Variants in MEGF11 observed in about 807,000 individuals in gnomAD.
The protein encoded by MEGF11 is multiple epidermal growth factor-like domains protein 11.
MEGF11 carries 126 observed loss-of-function variants against 146.6 expected under a neutral mutation model. The observed-to-expected ratio is 0.86, with a 90% confidence interval of 0.74 to 1.00. The LOEUF (loss-of-function observed/expected upper bound fraction) is 1.00, where lower values mean the gene tolerates loss of function less well. Among genes scored for constraint, MEGF11 ranks in the 50% least tolerant of loss-of-function variants. MEGF11 has a pLI of 0.00. For synonymous variants in MEGF11, 532 were observed against 583.4 expected (o/e 0.91, Z 1.27); for missense variants, 1,509 against 1,521.2 (o/e 0.99, Z 0.13).
In MEGF11 at chr15:65,929,821, C is replaced by T. The variant is rs767725663; in HGVS notation, c.1471G>A (p.Glu491Lys). ...PSGTWGLNCN[E>K]SCTCANGAAC... ...GCCCCATTGGCACAGGTGCAGCTCT[C>T]GTTGCAGTTCAGGCCCCACGTCCCA... The change falls in exon 12 of 26, where the codon GAG becomes AAG. Residue 491 changes from glutamate to lysine, a missense_variant. Glu to Lys is a moderately conservative substitution (Grantham distance 56, BLOSUM62 1). Transcript: ENST00000395614. 1.1e-5 allele frequency: 17 copies of T among 1,586,262 alleles called. No homozygotes were observed. Among genetic ancestry groups the T allele is most frequent in the Admixed American group, 3.6e-5 (2 of 55,994 alleles).
chr15:65,954,470 A>G (rs1806997454), intron 10 of MEGF11, among the ~76,000 whole-genome samples: 1 of 152,096 alleles, frequency 6.6e-6, no homozygotes, highest in South Asian at 2.1e-4. Flanking sequence ...AGAACAATGA[A>G]CTGTTCTGTA....
intron 1 of MEGF11, among the ~76,000 whole-genome samples, chr15:66,232,802 C>T (rs1423060661): frequency 6.6e-6 from 1 of 152,186 alleles, no homozygotes; most frequent in African/African-American, 2.4e-5. Flanking sequence ...AAGTGCCATA[C>T]TTACCTGCCT....
At chr15:65,927,000 G>A (rs1202089727) in intron 13 of MEGF11, among the ~76,000 whole-genome samples, 5 of 152,162 alleles carry the variant, frequency 3.3e-5, no homozygotes, top group Admixed American at 3.3e-4. Flanking sequence ...AAACTTTCTG[G>A]TTATGAACAC....
chr15:66,039,830 CGGCGGTGGGGT>C lies in MEGF11; in HGVS notation c.394+54561_394+54571del, dbSNP rs1567213525. Among the ~76,000 whole-genome samples the C allele has an allele frequency of 1.0e-3, 33 of 31,826 alleles. 7 individuals are homozygous for C. The highest frequency in any genetic ancestry group is 1.8e-3 in the Non-Finnish European group (28 of 15,718). 20.9% of individuals were successfully genotyped at this position (31,826 alleles called of 152,430 possible). A position where few individuals can be genotyped will look rare whatever the true frequency, so the allele number is the denominator to read the frequency against. On this transcript the variant is annotated intron_variant, in intron 5 of 25. Coordinates refer to ENST00000395614, the MANE Select transcript of MEGF11 (RefSeq NM_001385028.1). Reference sequence around the variant, plus strand: ...GGTGACGGTCCTGAGCCGGGTCAGGCGGCGGTGGGGTGACGGTCCTGAGCCGGGTCAGGCGG... The same window carrying C: ...GGTGACGGTCCTGAGCCGGGTCAGGCGACGGTCCTGAGCCGGGTCAGGCGG...
intron 5 of MEGF11, among the ~76,000 whole-genome samples, chr15:66,011,136 G>C (rs2082699426): frequency 6.6e-6 from 1 of 152,196 alleles, no homozygotes; most frequent in Non-Finnish European, 1.5e-5. Context: ...CCCTCCAAGG[G>C]CTTTAGTCTC....
At chr15:66,023,838 A>G (rs902480126) in intron 5 of MEGF11, among the ~76,000 whole-genome samples, 8 of 152,364 alleles carry the variant, frequency 5.3e-5, no homozygotes, top group African/African-American at 1.9e-4. Context: ...GCTGGGGCAC[A>G]GCCCTGCCGA....
At chr15:66,209,766 G>T (rs1016830889) in intron 1 of MEGF11, among the ~76,000 whole-genome samples, 1 of 152,040 alleles carries the variant, frequency 6.6e-6, no homozygotes, top group East Asian at 1.9e-4. Context: ...AAGGGGTAAG[G>T]GTGGGAGGGA....
chr15:66,046,293 T>C (rs1489611629), intron 5 of MEGF11, among the ~76,000 whole-genome samples: 1 of 152,136 alleles, frequency 6.6e-6, no homozygotes, highest in African/African-American at 2.4e-5. Context: ...ACACCCAGGA[T>C]CCCAAATCGC....
chr15:66,185,397 GTTTTTTTTC>G (rs2090668220), intron 1 of MEGF11, among the ~76,000 whole-genome samples: 1 of 151,804 alleles, frequency 6.6e-6, no homozygotes, highest in Non-Finnish European at 1.5e-5. Context: ...CTTTTGTGGG[GTTTTTTTTC>G]TTTTTTTTCT....
chr15:65,920,866 C>T (rs1400781372), intron 15 of MEGF11, among the ~76,000 whole-genome samples: 9 of 152,148 alleles, frequency 5.9e-5, no homozygotes, highest in Admixed American at 4.6e-4. Flanking sequence ...GGCCAGTGGG[C>T]GATAAATCAG....
At chr15:66,107,489 C>A (rs1055106166) in intron 4 of MEGF11, among the ~76,000 whole-genome samples, 9 of 152,220 alleles carry the variant, frequency 5.9e-5, no homozygotes, top group African/African-American at 2.2e-4. Flanking sequence ...TGCTGCCCTA[C>A]GTCCTGGAAG....
chr15:65,930,522 C>T (rs1396232177), intron 11 of MEGF11, among the ~76,000 whole-genome samples: 1 of 152,192 alleles, frequency 6.6e-6, no homozygotes, highest in Non-Finnish European at 1.5e-5. Flanking sequence ...TTCTTTTGTC[C>T]CTCCAACCCT....
chr15:66,095,034 T>G lies in MEGF11; in HGVS notation c.302-540A>C, dbSNP rs564590376. Among the ~76,000 whole-genome samples, 24 of 152,168 alleles carry G rather than the reference T, an allele frequency of 1.6e-4. No homozygotes were observed. The East Asian group carries it at 3.7e-3, about 23-fold the overall frequency. ...TCAGCAAATCTGCAAAGTACACACA[T>G]GCAGAGGAAAAAAGCAACAGCTAAT... On this transcript the variant is annotated intron_variant, in intron 4 of 25. Transcript: ENST00000395614.
At chr15:66,075,748 T>C (rs970164906) in intron 5 of MEGF11, among the ~76,000 whole-genome samples, 1 of 152,198 alleles carries the variant, frequency 6.6e-6, no homozygotes, top group Admixed American at 6.5e-5. Flanking sequence ...AGCTCTCAGA[T>C]ATAGGAGAAT....
chr15:66,076,346 G>GT (rs911712659), intron 5 of MEGF11, among the ~76,000 whole-genome samples: 1 of 45,548 alleles, frequency 2.2e-5, no homozygotes, highest in Non-Finnish European at 5.5e-5. Context: ...AAAGATCTTT[G>GT]TAAAAAAAAA....
intron 4 of MEGF11, among the ~76,000 whole-genome samples, chr15:66,097,452 G>A (rs986459175): frequency 6.6e-6 from 1 of 152,192 alleles, no homozygotes; most frequent in African/African-American, 2.4e-5. Context: ...CCATGCCAGT[G>A]ACTGCCTGGG....
At chr15:66,036,729 A>G (rs960707172) in intron 5 of MEGF11, among the ~76,000 whole-genome samples, 3 of 152,246 alleles carry the variant, frequency 2.0e-5, no homozygotes, top group African/African-American at 4.8e-5. Context: ...TAAATTGAGC[A>G]GGGAGCTGGG....
At chr15:66,001,380 A>C (rs902387653) in intron 5 of MEGF11, among the ~76,000 whole-genome samples, 3 of 152,126 alleles carry the variant, frequency 2.0e-5, no homozygotes, top group African/African-American at 7.2e-5. Context: ...ACACTTCCCC[A>C]GGCTGGAAGG....
chr15:66,023,808 A>G (rs1356234828), intron 5 of MEGF11, among the ~76,000 whole-genome samples: 2 of 152,202 alleles, frequency 1.3e-5, no homozygotes, highest in African/African-American at 4.8e-5. Flanking sequence ...GAGAGTGCCA[A>G]TCACAGGGGA....
Sources: allele counts gnomAD v4.1 joint callset (sites outside exome capture counted in the v4.1 genomes callset), GRCh38; gene constraint gnomAD v4.1.1; transcripts MANE v1.5; gene names NCBI Gene and HGNC (gene_info 2026-07-23, HGNC 2026-07-21).